The following IL1RAP variants were observed in gnomAD, a reference collection of about 807,000 sequenced individuals.
IL1RAP encodes interleukin 1 receptor accessory protein.
A neutral mutation model predicts 60.7 loss-of-function variants in IL1RAP; 35 were observed. The ratio of observed to expected loss-of-function variants is 0.58; its 90% CI spans 0.44 to 0.76. IL1RAP has a LOEUF of 0.76. Among genes scored for constraint, IL1RAP ranks in the 30% least tolerant of loss-of-function variants. IL1RAP has a pLI of 0.00. For synonymous variants in IL1RAP, 268 were observed against 250.9 expected (o/e 1.07, Z -0.64); for missense variants, 572 against 693.9 (o/e 0.82, Z 1.97).
chr3:190,538,230 A>G (rs1466034801), intron 1 of IL1RAP, among the ~76,000 whole-genome samples: 1 of 152,222 alleles, frequency 6.6e-6, no homozygotes, highest in Non-Finnish European at 1.5e-5. Flanking sequence ...TCTAAGGAGC[A>G]GCAGCAATAG....
intron 1 of IL1RAP, among the ~76,000 whole-genome samples, chr3:190,526,246 T>C (rs73198205): frequency 3.9e-5 from 6 of 152,186 alleles, no homozygotes; most frequent in African/African-American, 1.4e-4. Flanking sequence ...GGTGAAGTTA[T>C]AATCACCATT....
chr3:190,514,415 A>G (rs1213012246), intron 1 of IL1RAP, among the ~76,000 whole-genome samples, 196 bp downstream of exon 1: 9 of 152,190 alleles, frequency 5.9e-5, no homozygotes. Flanking sequence ...AAACGTTCAG[A>G]GACCCATCTT....
chr3:190,554,010 G>T (rs192545170), intron 1 of IL1RAP, among the ~76,000 whole-genome samples: 7,879 of 141,202 alleles, frequency 0.056, 294 homozygotes, highest in South Asian at 0.13. Flanking sequence ...GCAGTGAGCC[G>T]AGATCCCGCC....
intron 1 of IL1RAP, among the ~76,000 whole-genome samples, chr3:190,525,715 A>AGCTAAATAGGG (rs1046566936): frequency 1.3e-5 from 2 of 152,236 alleles, no homozygotes; most frequent in African/African-American, 4.8e-5. Context: ...AAGGGAAAAC[A>AGCTAAATAGGG]AAAACCCAGC....
chr3:190,567,135 G>C (rs542366210), intron 3 of IL1RAP, among the ~76,000 whole-genome samples: 5 of 152,124 alleles, frequency 3.3e-5, no homozygotes, highest in Non-Finnish European at 5.9e-5. Flanking sequence ...GTTTTCACAC[G>C]CAGTGAACTG....
At chr3:190,538,778 G>A (rs1017909045) in intron 1 of IL1RAP, among the ~76,000 whole-genome samples, 3 of 152,038 alleles carry the variant, frequency 2.0e-5, no homozygotes, top group African/African-American at 7.2e-5. Context: ...ATTGAATCAT[G>A]GGGACGGTTA....
At chr3:190,612,606 T>C (rs1375166310) in intron 5 of IL1RAP, among the ~76,000 whole-genome samples, 3 of 152,198 alleles carry the variant, frequency 2.0e-5, no homozygotes, top group African/African-American at 7.2e-5. Context: ...CATTCATTCA[T>C]GACTACAGAT....
In IL1RAP at chr3:190,635,793, T is replaced by C. The variant is rs1206763486; in HGVS notation, c.1051+6295T>C. The stretch of plus-strand genomic sequence containing the variant: ...AATGTAAAAAATTAGAAAAAAAGTC[T>C]GGGAGCAGGTATCTCCAACTTAGAA... On this transcript the variant is annotated intron_variant, in intron 9 of 11. Coordinates refer to ENST00000447382, the MANE Select transcript of IL1RAP (RefSeq NM_002182.4). Among the ~76,000 whole-genome samples the C allele has an allele frequency of 2.6e-5, 4 of 152,322 alleles. No homozygotes were observed. In the East Asian group the frequency reaches 5.8e-4, roughly 22 times the overall value.
At chr3:190,615,200 C>G (rs1731161361) in intron 5 of IL1RAP, 2 of 478,908 alleles carry the variant, frequency 4.2e-6, no homozygotes, top group African/African-American at 4.0e-5. Context: ...GGTTTTGTAA[C>G]TAGTCTGGAA....
chr3:190,583,972 C>G (rs1728224955), intron 3 of IL1RAP, among the ~76,000 whole-genome samples: 1 of 152,064 alleles, frequency 6.6e-6, no homozygotes, highest in Admixed American at 6.5e-5. Flanking sequence ...TGCATACAAC[C>G]ATGTAAAAAC....
At chr3:190,554,477 G>C (rs925238633) in intron 1 of IL1RAP, among the ~76,000 whole-genome samples, 20 of 152,150 alleles carry the variant, frequency 1.3e-4, no homozygotes, top group Non-Finnish European at 2.4e-4. Context: ...ATATTTGGCT[G>C]TCTCAAAATA....
downstream of IL1RAP, chr3:190,656,487 G>C: frequency 6.5e-7 from 1 of 1,537,258 alleles, no homozygotes; most frequent in Non-Finnish European, 8.7e-7. Flanking sequence ...TTCCCCAAGA[G>C]TCAGAAACTC....
chr3:190,630,877 C>T (rs571627888), intron 9 of IL1RAP, among the ~76,000 whole-genome samples: 10 of 152,152 alleles, frequency 6.6e-5, no homozygotes, highest in Non-Finnish European at 1.2e-4. Flanking sequence ...AAAGTAGACA[C>T]AATAATACCA....
chr3:190,609,060 A>G lies in IL1RAP; in HGVS notation c.416A>G (p.Asn139Ser), dbSNP rs764688136. 3.7e-6 allele frequency: 6 copies of G among 1,613,382 alleles called. No homozygotes were observed. The highest frequency in any genetic ancestry group is 3.3e-5 in the Admixed American group (2 of 59,960). ...GTTGTTCAAAAAGACAGCTGTTTCA[A>G]TTCCCCCATGAAACTCCCAGTGCAT... ...LEVVQKDSCF[N>S]SPMKLPVHKL... Residue 139 changes from asparagine to serine, a missense_variant, in exon 5 of 12, where the codon AAT becomes AGT. Asn to Ser is a conservative substitution (Grantham distance 46, BLOSUM62 1). Transcript: ENST00000447382.
chr3:190,568,437 C>G (rs917850549), intron 3 of IL1RAP, among the ~76,000 whole-genome samples: 1 of 152,152 alleles, frequency 6.6e-6, no homozygotes, highest in African/African-American at 2.4e-5. Flanking sequence ...TGCTCTGCTA[C>G]TAGAAGTAAG....
chr3:190,595,446 A>G (rs1262561586), intron 3 of IL1RAP, among the ~76,000 whole-genome samples: 2 of 152,192 alleles, frequency 1.3e-5, no homozygotes, highest in Non-Finnish European at 2.9e-5. Flanking sequence ...ACATTCATTT[A>G]ATGTTGCTAG....
intron 3 of IL1RAP, among the ~76,000 whole-genome samples, chr3:190,575,003 A>T (rs1409480520): frequency 6.7e-6 from 1 of 148,652 alleles, no homozygotes; most frequent in African/African-American, 2.5e-5. Context: ...GTTTTTTTTT[A>T]ACAGACTGAT....
Position 190,649,060 on chromosome 3 carries a change from G to A in IL1RAP, c.*355G>A. 1.0e-6 allele frequency: 1 copy of A among 998,970 alleles called. No homozygotes were observed. 61.9% of individuals were successfully genotyped at this position (998,970 alleles called of 1,614,324 possible). A position where few individuals can be genotyped will look rare whatever the true frequency, so the allele number is the denominator to read the frequency against. ...CAGCCTTTCCTATGAATTTAAATAT[G>A]CCTTTAAAATAAGTCACTGTTGACA... On this transcript the variant is annotated 3_prime_UTR_variant, in exon 12 of 12. Coordinates refer to ENST00000447382, the MANE Select transcript of IL1RAP (RefSeq NM_002182.4).
chr3:190,564,880 A>C (rs548155699), intron 3 of IL1RAP, among the ~76,000 whole-genome samples: 1 of 152,176 alleles, frequency 6.6e-6, no homozygotes, highest in Non-Finnish European at 1.5e-5. Flanking sequence ...ATAGAGTTTG[A>C]AAACCAAACT....
Sources: allele counts gnomAD v4.1 joint callset (sites outside exome capture counted in the v4.1 genomes callset), GRCh38; gene constraint gnomAD v4.1.1; transcripts MANE v1.5; gene names NCBI Gene and HGNC (gene_info 2026-07-23, HGNC 2026-07-21).